UBE3A: variants seen among roughly 807,000 people sequenced by gnomAD.
The protein encoded by UBE3A is ubiquitin-protein ligase E3A.
A neutral mutation model predicts 83.4 loss-of-function variants in UBE3A; 6 were observed. The ratio of observed to expected loss-of-function variants is 0.07; its 90% confidence interval spans 0.04 to 0.14. UBE3A has a LOEUF of 0.14. Ranked by LOEUF, UBE3A falls within the 10% of genes least tolerant of loss-of-function variation. UBE3A has a pLI of 1.00. For missense variants in UBE3A, 456 were observed against 1,036.1 expected, an observed-to-expected ratio of 0.44 and a Z score of 7.69; for synonymous variants, 337 against 355.4, an observed-to-expected ratio of 0.95 and a Z score of 0.58.
chr15:25,361,506 C>A (rs976522470), intron 6 of UBE3A, among the ~76,000 whole-genome samples: 10 of 151,918 alleles, frequency 6.6e-5, no homozygotes, highest in African/African-American at 2.4e-4. Context: ...TTTTTGTGTA[C>A]CTATAGAATT....
At chr15:25,408,431 G>C (rs749734142) in intron 3 of UBE3A, 1 of 760,492 alleles carries the variant, frequency 1.3e-6, no homozygotes, top group Non-Finnish European at 2.2e-6. Context: ...TTATCCTAAA[G>C]TGTGTCAGAA....
chr15:25,357,247 A>C (rs1353969442), intron 7 of UBE3A: 1 of 170,842 alleles, frequency 5.9e-6, no homozygotes, highest in Non-Finnish European at 1.2e-5. Flanking sequence ...ATAGCTGAAA[A>C]ATAAACATAA....
At chr15:25,430,739 GCAAA>G (rs1445452551) in intron 1 of UBE3A, among the ~76,000 whole-genome samples, 15 of 151,956 alleles carry the variant, frequency 9.9e-5, no homozygotes, top group Non-Finnish European at 2.1e-4. Context: ...TGAACTGAGA[GCAAA>G]CATTTACTGT....
intron 4 of UBE3A, among the ~76,000 whole-genome samples, chr15:25,404,372 CT>C (rs2087927568): frequency 6.6e-6 from 1 of 152,000 alleles, no homozygotes; most frequent in Non-Finnish European, 1.5e-5. Context: ...CTGCATTTTT[CT>C]TTTTTTATAT....
At chr15:25,401,828 A>G (rs1394974494) in intron 4 of UBE3A, among the ~76,000 whole-genome samples, 3 of 151,954 alleles carry the variant, frequency 2.0e-5, no homozygotes, top group Non-Finnish European at 4.4e-5. Flanking sequence ...TGCTTGCTCA[A>G]TTCTGCTTTT....
chr15:25,424,805 T>G (rs1890849521), intron 1 of UBE3A, among the ~76,000 whole-genome samples: 1 of 152,176 alleles, frequency 6.6e-6, no homozygotes, highest in Non-Finnish European at 1.5e-5. Context: ...AATAAATTTT[T>G]AAAGTAATAA....
At chr15:25,343,237 A>G (rs2075153005) in intron 11 of UBE3A, among the ~76,000 whole-genome samples, 1 of 152,232 alleles carries the variant, frequency 6.6e-6, no homozygotes, top group African/African-American at 2.4e-5. Flanking sequence ...TAAAGTTATT[A>G]TGGGAAGAGT....
chr15:25,378,745 A>C (rs908873933), intron 4 of UBE3A, among the ~76,000 whole-genome samples: 7 of 152,162 alleles, frequency 4.6e-5, no homozygotes, highest in Non-Finnish European at 1.0e-4. Context: ...AGTAATACTG[A>C]AGAATTCTAT....
chr15:25,339,134 G>GTT lies in UBE3A; in HGVS notation c.*1_*2dup, dbSNP rs772771724. 4.2e-6 allele frequency: 6 copies of GTT among 1,423,762 alleles called. No individual in the cohort carries two copies. In the East Asian group the frequency reaches 1.6e-4, roughly 37 times the overall value. 88.2% of individuals were successfully genotyped at this position (1,423,762 alleles called of 1,614,324 possible). On this transcript the variant is annotated 3_prime_UTR_variant, in exon 13 of 13. Transcript: ENST00000648336. Reference sequence around the variant, plus strand: ...TTTTTGTTTTATTTTGTTTTGTTTTGTTTTACAGCATGCCAAATCCTTTGG... The same window carrying GTT: ...TTTTTGTTTTATTTTGTTTTGTTTTGTTTTTTACAGCATGCCAAATCCTTTGG...
chr15:25,354,242 A>G, intron 11 of UBE3A, 111 bp downstream of exon 11: 2 of 901,820 alleles, frequency 2.2e-6, no homozygotes, highest in South Asian at 2.8e-5. Flanking sequence ...TATAGATGAC[A>G]ATTTGTGAGT....
chr15:25,402,994 T>C (rs964415192), intron 4 of UBE3A, among the ~76,000 whole-genome samples: 1 of 152,190 alleles, frequency 6.6e-6, no homozygotes, highest in Non-Finnish European at 1.5e-5. Context: ...TTTCCAATCA[T>C]GGCCATCATC....
At position 25,423,026 on chromosome 15, in the gene UBE3A, T is replaced by C. The variant is rs148118528; in HGVS notation, c.-164-11055A>G. On this transcript the variant is annotated intron_variant, in intron 1 of 12. Coordinates refer to ENST00000648336, the MANE Select transcript of UBE3A (RefSeq NM_130839.5). ...TAATATATATATGAGATCATATTTATATCAACTTTGTTAGCATGCTGAAAC... is the reference window on the plus strand; with the variant it reads ...TAATATATATATGAGATCATATTTACATCAACTTTGTTAGCATGCTGAAAC... Among the ~76,000 whole-genome samples, 1,609 of 152,138 alleles carry C rather than the reference T, an allele frequency of 0.011. 25 individuals carry two copies. Among genetic ancestry groups the C allele is most frequent in the Middle Eastern group, 0.034 (10 of 294 alleles).
chr15:25,392,734 A>G (rs748132688), intron 4 of UBE3A, among the ~76,000 whole-genome samples: 6 of 152,172 alleles, frequency 3.9e-5, no homozygotes, highest in Non-Finnish European at 7.3e-5. Context: ...GAGGAAAATG[A>G]GTAAAAGCAC....
rs369243440 is a variant in UBE3A at position 25,394,866 on chromosome 15, T to C, written c.62+10595A>G. Among the ~76,000 whole-genome samples the C allele has an allele frequency of 3.9e-5, 6 of 152,342 alleles. No individual in the cohort carries two copies. In the East Asian group the frequency reaches 1.2e-3, roughly 29 times the overall value. On this transcript the variant is annotated intron_variant, in intron 4 of 12. Transcript: ENST00000648336. ...TAGGAAGTAGTTACTGACTACCTAC[T>C]GTATGCCAGGCACTGTCATTAGGCT... is the stretch of plus-strand genomic sequence containing the variant.
Position 25,335,781 on chromosome 15 carries a change from T to C in UBE3A, c.*3356A>G, listed in dbSNP as rs1349363938. The C allele has an allele frequency of 6.6e-6, 1 of 152,162 alleles. No homozygotes were observed. The highest frequency in any genetic ancestry group is 2.4e-5 in the African/African-American group (1 of 41,406). The allele number at this position is 152,162 out of a possible 1,614,324, so 9.4% of individuals were successfully genotyped here. ...TTGGGGAAGAATCTTTGGGAGTGAC[T>C]GAGGTTGACTAGAGGGAACTGGGCA... On this transcript the variant is annotated 3_prime_UTR_variant, in exon 13 of 13. Coordinates refer to ENST00000648336, the MANE Select transcript of UBE3A (RefSeq NM_130839.5).
chr15:25,340,212 C>T lies in UBE3A; in HGVS notation c.2371G>A (p.Val791Ile), dbSNP rs1168197393. Reference protein sequence around the residue: ...SVLIREFWEIVHSFTDEQKRL... With the variant: ...SVLIREFWEIIHSFTDEQKRL... Reference sequence around the variant, plus strand: ...TTCTGTTCATCTGTAAATGAATGAACGATTTCCCAGAACTCCCTAATGAGA... The same window carrying T: ...TTCTGTTCATCTGTAAATGAATGAATGATTTCCCAGAACTCCCTAATGAGA... Residue 791 changes from valine (V) to isoleucine (I), a missense_variant, in exon 12 of 13, where the codon GTT becomes ATT. This residue lies in a region of UBE3A where 82 missense variants were observed against 199.3 expected (regional missense o/e 0.41). Transcript: ENST00000648336. The T allele has an allele frequency of 3.1e-6, 5 of 1,613,354 alleles. No individual in the cohort carries two copies. Among genetic ancestry groups the T allele is most frequent in the South Asian group, 1.1e-5 (1 of 91,070 alleles).
At chr15:25,380,781 GTGT>G (rs1481326152) in intron 4 of UBE3A, among the ~76,000 whole-genome samples, 1 of 152,156 alleles carries the variant, frequency 6.6e-6, no homozygotes, top group Non-Finnish European at 1.5e-5. Context: ...ATGTTATAAT[GTGT>G]TGATTTTTAA....
At position 25,338,514 on chromosome 15, in the gene UBE3A, ATCTT is replaced by A. The variant is rs1006028192; in HGVS notation, c.*619_*622del. The A allele has an allele frequency of 2.0e-5, 3 of 151,978 alleles. No individual in the cohort carries two copies. Among genetic ancestry groups the A allele is most frequent in the Non-Finnish European group, 2.9e-5 (2 of 67,964 alleles). The allele number at this position is 151,978 out of a possible 1,614,324, so 9.4% of individuals were successfully genotyped here. A position where few individuals can be genotyped will look rare whatever the true frequency, so the allele number is the denominator to read the frequency against. On this transcript the variant is annotated 3_prime_UTR_variant, in exon 13 of 13. Coordinates refer to ENST00000648336, the MANE Select transcript of UBE3A (RefSeq NM_130839.5). ...ACATTCCAATTTCTCCCTTCCTTCC[ATCTT>A]TCTTTATTGATTGATTCTCAAGATT... is the stretch of plus-strand genomic sequence containing the variant.
At chr15:25,437,887 C>T (rs1179668359) in intron 1 of UBE3A, among the ~76,000 whole-genome samples, 1 of 152,056 alleles carries the variant, frequency 6.6e-6, no homozygotes, top group Non-Finnish European at 1.5e-5. Flanking sequence ...GCATACAGGT[C>T]TGCATATAAC....
Sources: gnomAD v4.1 joint callset for allele counts (sites outside exome capture counted in the v4.1 genomes callset) on GRCh38, gnomAD v4.1.1 for gene constraint, gnomAD v4.1.1 regional missense constraint, MANE v1.5 for transcripts, NCBI Gene and HGNC (gene_info 2026-07-23, HGNC 2026-07-21) for gene names.